Variants in RSKR observed in about 807,000 individuals in gnomAD.
RSKR encodes the protein ribosomal protein S6 kinase-related protein.
RSKR carries 44 observed loss-of-function variants against 56.8 expected under a neutral mutation model. The ratio of observed to expected loss-of-function variants is 0.77; its 90% confidence interval spans 0.61 to 1.00. RSKR has a LOEUF of 1.00. Among genes scored for constraint, RSKR ranks in the 50% least tolerant of loss-of-function variants. The probability of loss-of-function intolerance (pLI) is 0.00; values close to 1 mark genes in which losing one functional copy is unlikely to be tolerated. For missense variants in RSKR, 510 were observed against 506.9 expected (o/e 1.01, Z -0.06); for synonymous variants, 181 against 188.0 (o/e 0.96, Z 0.30).
rs765950526 is a variant in RSKR at position 28,612,714 on chromosome 17, G to A, written c.478-27C>T. On this transcript the variant is annotated intron_variant, in intron 4 of 11. Transcript: ENST00000301037. ...TAGGAACAAAGAAAACAGGAAGTTA[G>A]GGAGGAACAGGGTCATTGAGAATAA... The A allele has an allele frequency of 5.0e-6, 8 of 1,608,518 alleles. No individual in the cohort carries two copies. In the Admixed American group the frequency reaches 1.2e-4, roughly 23 times the overall value.
Position 28,613,111 on chromosome 17 carries a change from G to T in RSKR, c.444C>A (p.Thr148=). 1.2e-6 allele frequency: 2 copies of T among 1,613,994 alleles called. No homozygotes were observed. The highest frequency in any genetic ancestry group is 1.3e-5 in the African/African-American group (1 of 75,002). Residue 148 remains threonine, a synonymous_variant, in exon 4 of 12, where the codon ACC becomes ACA. Coordinates refer to ENST00000301037, the MANE Select transcript of RSKR (RefSeq NM_001174103.2). ...VPKVKVLQRD[T]VRQCKEEVSI... is the part of the protein sequence containing the mutation. ...TAACCTCCTCTTTGCACTGCCTCAC[G>T]GTATCCCTCTGTAGGACCTTTACCT...
Position 28,610,108 on chromosome 17 carries a change from G to A in RSKR, c.*370C>T. The A allele has an allele frequency of 4.8e-6, 1 of 208,490 alleles. No individual in the cohort carries two copies. 12.9% of individuals were successfully genotyped at this position (208,490 alleles called of 1,614,324 possible). ...GACAAGCCTATTAAACACATCAATA[G>A]CACCCTGGGAGCCCATGAAGTATTA... On this transcript the variant is annotated 3_prime_UTR_variant, in exon 12 of 12. Coordinates refer to ENST00000301037, the MANE Select transcript of RSKR (RefSeq NM_001174103.2).
Position 28,611,780 on chromosome 17 carries a change from G to C in RSKR, c.709C>G (p.Leu237Val). Residue 237 changes from leucine (L) to valine (V), a missense_variant, in exon 8 of 12, where the codon CTA becomes GTA. Coordinates refer to ENST00000301037, the MANE Select transcript of RSKR (RefSeq NM_001174103.2). ...HRDVKMENIL[L>V]DERGHLKLTD... is the part of the protein sequence containing the mutation. ...GAAAAAGACTTACCTCGTTCATCTA[G>C]AAGAATATTCTCCATCTGAAAGATC... 2 of 1,614,158 alleles carry C rather than the reference G, an allele frequency of 1.2e-6. No individual in the cohort carries two copies. Among genetic ancestry groups the C allele is most frequent in the South Asian group, 1.1e-5 (1 of 91,084 alleles).
Position 28,613,361 on chromosome 17 carries a change from G to A in RSKR, c.325-16C>T. 2 of 1,614,184 alleles carry A rather than the reference G, an allele frequency of 1.2e-6. No homozygotes were observed. Among genetic ancestry groups the A allele is most frequent in the Non-Finnish European group, 1.7e-6 (2 of 1,180,012 alleles). On this transcript the variant is annotated splice_polypyrimidine_tract_variant and intron_variant, in intron 2 of 11. Coordinates refer to ENST00000301037, the MANE Select transcript of RSKR (RefSeq NM_001174103.2). ...GGCCTAAAATCTGTACAGAGGAATG[G>A]AGAACAGGCCAGTTGAGACTGGTCA...
Position 28,613,506 on chromosome 17 carries a change from AGGCACT to A in RSKR, c.252_257del (p.Val85_Pro86del). 6.2e-7 allele frequency: 1 copy of A among 1,614,192 alleles called. No individual in the cohort carries two copies. Among genetic ancestry groups the A allele is most frequent in the Non-Finnish European group, 8.5e-7 (1 of 1,180,034 alleles). On this transcript the variant is annotated inframe_deletion, in exon 2 of 12. Coordinates refer to ENST00000301037, the MANE Select transcript of RSKR (RefSeq NM_001174103.2). ...CTGGTAGAAAGAGGTTGATGAACTGAGGCACTGGCCACTCTGGCAGAGGCTTCTCTA... is the reference window on the plus strand; with the variant it reads ...CTGGTAGAAAGAGGTTGATGAACTGAGGCCACTCTGGCAGAGGCTTCTCTA...
chr17:28,611,792 C>A lies in RSKR; in HGVS notation c.697G>T (p.Glu233Ter), dbSNP rs759589114. 6.2e-7 allele frequency: 1 copy of A among 1,614,090 alleles called. No homozygotes were observed. Among genetic ancestry groups the A allele is most frequent in the African/African-American group, 1.3e-5 (1 of 74,928 alleles). Residue 233 changes from glutamate to a stop codon, truncating the protein, a stop_gained, in exon 8 of 12, where the codon GAG becomes TAG. Coordinates refer to ENST00000301037, the MANE Select transcript of RSKR (RefSeq NM_001174103.2). LOFTEE classifies it high-confidence loss of function. Reference protein sequence around the residue: ...LGIMHRDVKMENILLDERGHL... With the variant: ...LGIMHRDVKM ...CCTCGTTCATCTAGAAGAATATTCT[C>A]CATCTGAAAGATCACAGGTGAGAAG...
In RSKR at chr17:28,613,454, GC is replaced by G; in HGVS notation, c.309del (p.Gln104SerfsTer4). ...CACTGACTTACCTTCAGCTGCTGCT[GC>G]CCCCTAATGGGCCTAATGGGAAACT... ...LPEFPIRPIR[G>X]QQQLKILGLV... On this transcript the variant is annotated frameshift_variant, in exon 2 of 12. Coordinates refer to ENST00000301037, the MANE Select transcript of RSKR (RefSeq NM_001174103.2). LOFTEE classifies it high-confidence loss of function. 1 of 1,614,158 alleles carries G rather than the reference GC, an allele frequency of 6.2e-7. No individual in the cohort carries two copies. Among genetic ancestry groups the G allele is most frequent in the East Asian group, 2.2e-5 (1 of 44,882 alleles).
rs1182321906 is a variant in RSKR, at chr17:28,611,762, A to G, written c.721+6T>C. ...ATCCTGGGGCTAAGGAAGGAAAAAG[A>G]CTTACCTCGTTCATCTAGAAGAATA... On this transcript the variant is annotated splice_donor_region_variant and intron_variant, in intron 8 of 11. Coordinates refer to ENST00000301037, the MANE Select transcript of RSKR (RefSeq NM_001174103.2). 2 of 1,614,090 alleles carry G rather than the reference A, an allele frequency of 1.2e-6. No individual in the cohort carries two copies. Among genetic ancestry groups the G allele is most frequent in the African/African-American group, 2.7e-5 (2 of 74,912 alleles).
In RSKR at chr17:28,611,873, G is replaced by A. The variant is rs988326878; in HGVS notation, c.694-78C>T. On this transcript the variant is annotated intron_variant, in intron 7 of 11. Transcript: ENST00000301037. ...CATCATGTATACACCCCAGCTGAAGGTGATGCCCTACTCAGCACTCAAATC... is the reference window on the plus strand; with the variant it reads ...CATCATGTATACACCCCAGCTGAAGATGATGCCCTACTCAGCACTCAAATC... The A allele has an allele frequency of 7.7e-5, 124 of 1,612,714 alleles. 1 individual carries two copies. Among genetic ancestry groups the A allele is most frequent in the Non-Finnish European group, 7.9e-5 (93 of 1,179,562 alleles).
At chr17:28,612,833 T>C (rs2070839263) in intron 4 of RSKR, 146 bp from the exon 5 acceptor site, 2 of 806,182 alleles carry the variant, frequency 2.5e-6, no homozygotes, top group Admixed American at 2.2e-5. Context: ...TGGAACTGAC[T>C]ATCTGGTAAT....
chr17:28,611,295 A>T (rs1373314609), intron 10 of RSKR, 42 bp from the exon 11 acceptor site: 2 of 1,531,698 alleles, frequency 1.3e-6, no homozygotes, highest in Non-Finnish European at 1.7e-6. Context: ...GTAGGGGTTC[A>T]TTCCTTAGTA....
At position 28,610,491 on chromosome 17, in the gene RSKR, G is replaced by A. The variant is rs935947755; in HGVS notation, c.1220C>T (p.Pro407Leu). ...CAGTAGAGAGGCTCAAGCAGGGATA[G>A]GGTAGAGCAAGAAGGACTCCAGATC... is the stretch of plus-strand genomic sequence containing the variant. ...DCDLESFLLY[P>L]IPA The change falls in exon 12 of 12, where the codon CCT (proline) becomes CTT (leucine). Residue 407 changes from proline to leucine, a missense_variant. Physicochemically the swap from Pro to Leu is moderately conservative, Grantham distance 98. Coordinates refer to ENST00000301037, the MANE Select transcript of RSKR (RefSeq NM_001174103.2). 26 of 1,535,906 alleles carry A rather than the reference G, an allele frequency of 1.7e-5. No homozygotes were observed. The highest frequency in any genetic ancestry group is 3.9e-5 in the Admixed American group (2 of 50,964).
Position 28,613,482 on chromosome 17 carries a change from T to C in RSKR, c.282A>G (p.Pro94=). 1 of 1,614,170 alleles carries C rather than the reference T, an allele frequency of 6.2e-7. No homozygotes were observed. The highest frequency in any genetic ancestry group is 8.5e-7 in the Non-Finnish European group (1 of 1,180,032). ...CCCTAATGGGCCTAATGGGAAACTC[T>C]GGTAGAAAGAGGTTGATGAACTGAG... ...PVPQFINLFL[P]EFPIRPIRGQ... is the part of the protein sequence containing the mutation. Residue 94 remains proline, a synonymous_variant, in exon 2 of 12, where the codon CCA becomes CCG. Coordinates refer to ENST00000301037, the MANE Select transcript of RSKR (RefSeq NM_001174103.2).
rs2070787334 is a variant in RSKR, at chr17:28,609,790, T to A, written c.*688A>T. On this transcript the variant is annotated 3_prime_UTR_variant, in exon 12 of 12. Coordinates refer to ENST00000301037, the MANE Select transcript of RSKR (RefSeq NM_001174103.2). ...AGGGTCTGGTGCAGTGGCTCACACC[T>A]ACCTGTAATTCCAGCACTTTGGGAG... is the stretch of plus-strand genomic sequence containing the variant. 3.0e-5 allele frequency: 4 copies of A among 133,810 alleles called. No individual in the cohort carries two copies. The highest frequency in any genetic ancestry group is 2.7e-4 in the South Asian group (1 of 3,656). The allele number at this position is 133,810 out of a possible 1,614,324, so 8.3% of individuals were successfully genotyped here.
rs1279857548 is a variant in RSKR, at chr17:28,614,119, C to G, written c.43G>C (p.Gly15Arg). ...SCRQGQHTQQ[G>R]EHTRVAVPHK... ...GGGACAGCCACCCGGGTGTGTTCCCCCTGCTGGGTGTGCTGCCCCTGCCGA... is the reference window on the plus strand; with the variant it reads ...GGGACAGCCACCCGGGTGTGTTCCCGCTGCTGGGTGTGCTGCCCCTGCCGA... Residue 15 changes from glycine to arginine, a missense_variant, in exon 1 of 12, where the codon GGG becomes CGG. Transcript: ENST00000301037. The G allele has an allele frequency of 6.2e-7, 1 of 1,613,698 alleles. No individual in the cohort carries two copies.
Position 28,610,209 on chromosome 17 carries a change from A to T in RSKR, c.*269T>A. Reference sequence around the variant, plus strand: ...GGCTGACAGCCTGAGGGTAAAGAGCACTGGAGAAGTAAAGAAAAGGAAAAG... The same window carrying T: ...GGCTGACAGCCTGAGGGTAAAGAGCTCTGGAGAAGTAAAGAAAAGGAAAAG... On this transcript the variant is annotated 3_prime_UTR_variant, in exon 12 of 12. Transcript: ENST00000301037. 1 of 433,598 alleles carries T rather than the reference A, an allele frequency of 2.3e-6. No individual in the cohort carries two copies. Among genetic ancestry groups the T allele is most frequent in the Non-Finnish European group, 4.2e-6 (1 of 237,856 alleles). The allele number at this position is 433,598 out of a possible 1,614,324, so 26.9% of individuals were successfully genotyped here. A position where few individuals can be genotyped will look rare whatever the true frequency, so the allele number is the denominator to read the frequency against.
Position 28,613,600 on chromosome 17 carries a change from A to T in RSKR, c.164T>A (p.Leu55His). ...ATAGTGGTGCCCCCGTAGTTCCCAG[A>T]GTTCTTCCAGATCTGACCTGATGGT... The part of the protein sequence containing the change: ...LGTIRSDLEE[L>H]WELRGHHYLH... Residue 55 changes from leucine (L) to histidine (H), a missense_variant, in exon 2 of 12, where the codon CTC (leucine) becomes CAC (histidine). Transcript: ENST00000301037. 6.2e-7 allele frequency: 1 copy of T among 1,614,104 alleles called. No homozygotes were observed. The highest frequency in any genetic ancestry group is 2.2e-5 in the East Asian group (1 of 44,868).
At chr17:28,613,895 A>G in intron 1 of RSKR, 192 bp downstream of exon 1, 1 of 1,002,262 alleles carries the variant, frequency 1.0e-6, no homozygotes, top group Non-Finnish European at 1.4e-6. Context: ...ATTGTTGGAC[A>G]TTTTCACCAT....
intron 4 of RSKR, 95 bp from the exon 5 acceptor site, chr17:28,612,782 G>A: frequency 8.5e-7 from 1 of 1,180,174 alleles, no homozygotes; most frequent in South Asian, 1.3e-5. Context: ...TGCAGAGGGG[G>A]AACTGCTGCC....
Sources: allele counts gnomAD v4.1 joint callset, GRCh38; gene constraint gnomAD v4.1.1; transcripts MANE v1.5; gene names NCBI Gene and HGNC (gene_info 2026-07-23, HGNC 2026-07-21).